Variants in COPG2 observed in about 807,000 individuals in gnomAD.
The protein encoded by COPG2 is coat protein complex I subunit gamma 2.
COPG2 carries 37 observed loss-of-function variants against 46.3 expected under a neutral mutation model. The ratio of observed to expected loss-of-function variants is 0.80; its 90% CI spans 0.61 to 1.05. COPG2 has a LOEUF of 1.05. COPG2 is among the 50% of genes least tolerant of loss of function. The pLI is 0.00. For synonymous variants in COPG2, 159 were observed against 129.7 expected (o/e 1.23, Z -1.53); for missense variants, 427 against 387.8 (o/e 1.10, Z -0.85).
chr7:130,569,515 T>C (rs1793858439), intron 9 of COPG2, among the ~76,000 whole-genome samples: 4 of 151,486 alleles, frequency 2.6e-5, no homozygotes, highest in Non-Finnish European at 5.9e-5. Flanking sequence ...CAGGAGGAAA[T>C]AGAAACTCTG....
chr7:130,523,119 C>CAAAAAAGAAAA (rs1370339854), intron 20 of COPG2, among the ~76,000 whole-genome samples: 8 of 57,522 alleles, frequency 1.4e-4, no homozygotes, highest in African/African-American at 6.4e-4. Context: ...ACTCTTCTCT[C>CAAAAAAGAAAA]AAAAAAAAAA....
rs1279234565 is a variant in COPG2, at chr7:130,642,026, ATGGATC to A, written c.323+10837_323+10842del. Among the ~76,000 whole-genome samples the A allele has an allele frequency of 3.3e-5, 5 of 152,322 alleles. No homozygotes were observed. In the East Asian group the frequency reaches 9.7e-4, roughly 29 times the overall value. On this transcript the variant is annotated intron_variant, in intron 5 of 23. Coordinates refer to ENST00000425248, the MANE Select transcript of COPG2 (RefSeq NM_012133.6). ...CCCAGAGTACTTCCTAATGTGAGTG[ATGGATC>A]ATTCCTCAGGACTCAATTCCAGAAT...
At chr7:130,578,403 CAG>C (rs1794057265) in intron 9 of COPG2, among the ~76,000 whole-genome samples, 2 of 150,190 alleles carry the variant, frequency 1.3e-5, no homozygotes, top group South Asian at 4.3e-4. Context: ...GGGGAAAAAA[CAG>C]AACAGAAAAA....
At chr7:130,662,208 G>C (rs1191291617) in intron 4 of COPG2, among the ~76,000 whole-genome samples, 8 of 151,920 alleles carry the variant, frequency 5.3e-5, no homozygotes, top group African/African-American at 1.7e-4. Context: ...GCCTTACAGG[G>C]GACTGCTGAT....
intron 9 of COPG2, among the ~76,000 whole-genome samples, chr7:130,599,012 C>G (rs569622543): frequency 1.3e-5 from 2 of 152,306 alleles, no homozygotes; most frequent in South Asian, 2.1e-4. Flanking sequence ...ATCCCTGCCT[C>G]AGATGCAGAC....
intron 12 of COPG2, among the ~76,000 whole-genome samples, chr7:130,558,972 G>A (rs1271897958): frequency 6.6e-6 from 1 of 152,076 alleles, no homozygotes; most frequent in African/African-American, 2.4e-5. Flanking sequence ...GAGAACATGA[G>A]TGAATTACTC....
intron 1 of COPG2, 97 bp downstream of exon 1, chr7:130,668,535 C>T: frequency 8.6e-7 from 1 of 1,164,362 alleles, no homozygotes; most frequent in Non-Finnish European, 1.1e-6. Context: ...ACGGCGGCGC[C>T]CACGCCCCCA....
chr7:130,516,115 G>A (rs1384629652), intron 20 of COPG2, among the ~76,000 whole-genome samples: 1 of 152,072 alleles, frequency 6.6e-6, no homozygotes, highest in Non-Finnish European at 1.5e-5. Context: ...TTTTTATAAG[G>A]CAAAATAAAA....
chr7:130,588,286 C>T (rs1794323999), intron 9 of COPG2, among the ~76,000 whole-genome samples: 1 of 151,746 alleles, frequency 6.6e-6, no homozygotes, highest in Admixed American at 6.6e-5. Flanking sequence ...CCCAGCCATC[C>T]CATTACTGGG....
At chr7:130,518,288 G>A (rs2116343415) in intron 20 of COPG2, among the ~76,000 whole-genome samples, 1 of 152,258 alleles carries the variant, frequency 6.6e-6, no homozygotes, top group East Asian at 1.9e-4. Context: ...GGAAGAAGTG[G>A]GTGTATTCAT....
intron 9 of COPG2, among the ~76,000 whole-genome samples, chr7:130,592,250 G>A (rs1456873729): frequency 7.2e-5 from 11 of 151,978 alleles, no homozygotes; most frequent in Non-Finnish European, 1.5e-4. Context: ...AAGTACCCAG[G>A]GACACAAACA....
chr7:130,511,684 A>T (rs1554441031), intron 20 of COPG2: 2 of 513,706 alleles, frequency 3.9e-6, no homozygotes, highest in Admixed American at 4.0e-5. Context: ...GAAGCAAAGG[A>T]AAGAAAATAT....
intron 9 of COPG2, among the ~76,000 whole-genome samples, chr7:130,568,093 A>G (rs1219500294): frequency 1.3e-5 from 2 of 152,120 alleles, no homozygotes; most frequent in Non-Finnish European, 2.9e-5. Context: ...CCTGGCCAAC[A>G]TGGTGACCCT....
At chr7:130,662,503 G>T (rs1795997768) in intron 4 of COPG2, among the ~76,000 whole-genome samples, 1 of 152,158 alleles carries the variant, frequency 6.6e-6, no homozygotes, top group Non-Finnish European at 1.5e-5. Context: ...GAAGGTCAGG[G>T]TGGCCTAAGG....
intron 18 of COPG2, among the ~76,000 whole-genome samples, chr7:130,548,901 G>A (rs1328561367): frequency 1.3e-5 from 2 of 151,780 alleles, no homozygotes; most frequent in African/African-American, 2.4e-5. Context: ...CTGGGTGACA[G>A]AGCGAGACTC....
intron 9 of COPG2, among the ~76,000 whole-genome samples, chr7:130,570,724 A>G (rs1482291962): frequency 6.6e-6 from 1 of 152,184 alleles, no homozygotes; most frequent in Non-Finnish European, 1.5e-5. Context: ...GGAACCAAAA[A>G]AAGAGCCCAC....
At chr7:130,565,990 T>C (rs1486599692) in intron 9 of COPG2, among the ~76,000 whole-genome samples, 2 of 152,064 alleles carry the variant, frequency 1.3e-5, no homozygotes, top group Non-Finnish European at 2.9e-5. Context: ...GGAGTTTTCA[T>C]AGGAAAAGAG....
chr7:130,645,146 T>C, intron 5 of COPG2: 2 of 512,370 alleles, frequency 3.9e-6, no homozygotes, highest in Middle Eastern at 3.8e-4. Context: ...AAAATTAGTG[T>C]TCACAGTAAG....
intron 5 of COPG2, among the ~76,000 whole-genome samples, chr7:130,622,507 T>A (rs1554453738): frequency 1.3e-5 from 2 of 152,048 alleles, no homozygotes; most frequent in Admixed American, 6.5e-5. Flanking sequence ...ACCCTTTCCA[T>A]CCCTCAAATT....
Sources: allele counts gnomAD v4.1 joint callset (sites outside exome capture counted in the v4.1 genomes callset), GRCh38; gene constraint gnomAD v4.1.1; transcripts MANE v1.5; gene names NCBI Gene and HGNC (gene_info 2026-07-23, HGNC 2026-07-21).